The following TASP1 variants were observed in gnomAD, a reference collection of about 807,000 sequenced individuals.
The protein encoded by TASP1 is taspase 1, also known as threonine aspartase 1.
Under a neutral mutation model 56.6 loss-of-function variants are expected in TASP1, and 16 were observed. That is an observed-to-expected ratio of 0.28 (90% CI 0.19 to 0.43). The LOEUF is 0.43. Among genes scored for constraint, TASP1 ranks in the 20% least tolerant of loss-of-function variants. TASP1 has a pLI of 1.00. For synonymous variants in TASP1, 179 were observed against 184.2 expected, an observed-to-expected ratio of 0.97 and a Z score of 0.23; for missense variants, 393 against 511.6, an observed-to-expected ratio of 0.77 and a Z score of 2.24.
chr20:13,367,368 C>T, the TASP1 span, among the ~76,000 whole-genome samples: 2 of 152,164 alleles, frequency 1.3e-5, no homozygotes, highest in South Asian at 4.1e-4. Flanking sequence ...GATATTCATT[C>T]CCATTCATCA....
the TASP1 span, among the ~76,000 whole-genome samples, chr20:13,152,631 G>T: frequency 6.6e-6 from 1 of 152,276 alleles, no homozygotes; most frequent in East Asian, 1.9e-4. Context: ...CTAAAAGAAA[G>T]ACTCAAATAG....
the TASP1 span, among the ~76,000 whole-genome samples, chr20:13,357,431 A>C: frequency 6.6e-6 from 1 of 152,214 alleles, no homozygotes; most frequent in Non-Finnish European, 1.5e-5. Context: ...ACAATGAAAA[A>C]GAAAGATAAA....
chr20:13,591,100 A>G (rs1421073180), intron 4 of TASP1, among the ~76,000 whole-genome samples: 1 of 152,000 alleles, frequency 6.6e-6, no homozygotes, highest in Non-Finnish European at 1.5e-5. Context: ...AAAAAACAGT[A>G]CTGGAGAAGA....
rs1347537270 is a variant in TASP1 at position 13,559,041 on chromosome 20, C to T, written c.642G>A (p.Met214Ile). ...TTGATTGTCTTCTTTTCTTTAGTTGCATAAAATCTGTGTCCACCCTTTCTG... is the reference window on the plus strand; with the variant it reads ...TTGATTGTCTTCTTTTCTTTAGTTGTATAAAATCTGTGTCCACCCTTTCTG... ...ELAERVDTDF[M>I]QLKKRRQSSE... is the part of the protein sequence containing the mutation. The change falls in exon 8 of 14, where the codon ATG becomes ATA. Residue 214 changes from methionine to isoleucine, a missense_variant. Physicochemically the swap from Met to Ile is conservative, Grantham distance 10. This residue lies in a region of TASP1 where 293 missense variants were observed against 354.2 expected (regional missense o/e 0.83). Coordinates refer to ENST00000337743, the MANE Select transcript of TASP1 (RefSeq NM_017714.3). 2 of 1,596,458 alleles carry T rather than the reference C, an allele frequency of 1.3e-6. No individual in the cohort carries two copies. Among genetic ancestry groups the T allele is most frequent in the Non-Finnish European group, 8.5e-7 (1 of 1,170,806 alleles).
At chr20:13,521,194 A>G (rs1403297879) in intron 10 of TASP1, among the ~76,000 whole-genome samples, 1 of 152,192 alleles carries the variant, frequency 6.6e-6, no homozygotes, top group Non-Finnish European at 1.5e-5. Context: ...AACTAGTTCA[A>G]CCATTGTGGA....
rs570091182 is a variant in TASP1 at position 13,469,158 on chromosome 20, A to G, written c.985+14069T>C. On this transcript the variant is annotated intron_variant, in intron 11 of 13. Transcript: ENST00000337743. Reference sequence around the variant, plus strand: ...TTTTGCCTTTGTTAGTACTATGCTTATTATTTGCTTTCCAACCAAAAAATA... The same window carrying G: ...TTTTGCCTTTGTTAGTACTATGCTTGTTATTTGCTTTCCAACCAAAAAATA... Among the ~76,000 whole-genome samples, 12 of 152,256 alleles carry G rather than the reference A, an allele frequency of 7.9e-5. No homozygotes were observed. In the South Asian group the frequency reaches 2.3e-3, roughly 29 times the overall value.
intron 5 of TASP1, among the ~76,000 whole-genome samples, chr20:13,582,123 CAAA>C (rs773253001): frequency 1.3e-5 from 1 of 79,002 alleles, no homozygotes; most frequent in Non-Finnish European, 3.1e-5. Flanking sequence ...GTATGAAATA[CAAA>C]AAAAAAAAAA....
chr20:13,210,841 C>A, the TASP1 span, among the ~76,000 whole-genome samples: 4 of 151,858 alleles, frequency 2.6e-5, no homozygotes, highest in Non-Finnish European at 4.4e-5. Flanking sequence ...ACATGACAAA[C>A]CACATTTTTG....
chr20:13,495,458 T>A (rs1459211718), intron 10 of TASP1, among the ~76,000 whole-genome samples: 2 of 152,132 alleles, frequency 1.3e-5, no homozygotes, highest in Admixed American at 1.3e-4. Context: ...AAAGACACAC[T>A]GCTCTGAAGG....
At chr20:13,634,308 T>G (rs1019452141) in intron 1 of TASP1, among the ~76,000 whole-genome samples, 2 of 152,144 alleles carry the variant, frequency 1.3e-5, no homozygotes, top group Admixed American at 6.6e-5. Context: ...TCCATTTATA[T>G]GAAATGTCCA....
chr20:13,205,077 A>G, the TASP1 span, among the ~76,000 whole-genome samples: 1 of 152,130 alleles, frequency 6.6e-6, no homozygotes, highest in Admixed American at 6.5e-5. Flanking sequence ...TGAGCTCTGG[A>G]ACCATAAATC....
intron 7 of TASP1, among the ~76,000 whole-genome samples, chr20:13,562,942 T>C (rs1489743391): frequency 6.8e-6 from 1 of 146,458 alleles, no homozygotes; most frequent in Admixed American, 6.8e-5. Context: ...TGTGTGTGTG[T>C]GTGTGTTGTG....
the TASP1 span, among the ~76,000 whole-genome samples, chr20:13,176,162 T>G: frequency 6.6e-6 from 1 of 152,196 alleles, no homozygotes; most frequent in Admixed American, 6.5e-5. Flanking sequence ...TAGGAGAGTT[T>G]AACTGTACAT....
At chr20:13,271,682 C>T in the TASP1 span, among the ~76,000 whole-genome samples, 2 of 152,230 alleles carry the variant, frequency 1.3e-5, no homozygotes, top group East Asian at 3.9e-4. Context: ...TTGTACCTTT[C>T]TCTGTTTCCT....
the TASP1 span, chr20:13,299,078 C>T: frequency 4.3e-6 from 7 of 1,613,698 alleles, no homozygotes; most frequent in East Asian, 1.3e-4. The surrounding 1 kb of genome is among the most constrained non-coding windows in gnomAD (Gnocchi z 5.8). Context: ...CCGACATCTT[C>T]GACCGCATCA....
At chr20:13,258,030 C>T in the TASP1 span, among the ~76,000 whole-genome samples, 7 of 152,114 alleles carry the variant, frequency 4.6e-5, no homozygotes, top group Non-Finnish European at 1.0e-4. Flanking sequence ...CTCATGTCTA[C>T]CTCACATGGA....
At chr20:13,183,717 C>T in the TASP1 span, among the ~76,000 whole-genome samples, 1 of 152,098 alleles carries the variant, frequency 6.6e-6, no homozygotes, top group Non-Finnish European at 1.5e-5. Context: ...ATAGCACAAG[C>T]AGTTTTCTTT....
intron 11 of TASP1, among the ~76,000 whole-genome samples, chr20:13,456,438 C>T (rs1026539066): frequency 6.6e-6 from 1 of 152,050 alleles, no homozygotes; most frequent in African/African-American, 2.4e-5. Context: ...CCTGATTTGG[C>T]TCCTTCTTTT....
At chr20:13,553,667 A>G (rs559347038) in intron 8 of TASP1, among the ~76,000 whole-genome samples, 2 of 152,370 alleles carry the variant, frequency 1.3e-5, no homozygotes, top group Non-Finnish European at 2.9e-5. Context: ...TCCTAAAAGC[A>G]GAGATAAAAT....
Sources: gnomAD v4.1 joint callset for allele counts (sites outside exome capture counted in the v4.1 genomes callset) on GRCh38, gnomAD v4.1.1 for gene constraint, gnomAD v4.1.1 regional missense constraint, Gnocchi (gnomAD v3.1) non-coding constraint, MANE v1.5 for transcripts, NCBI Gene and HGNC (gene_info 2026-07-23, HGNC 2026-07-21) for gene names.